Variants in ZBTB47 observed in about 807,000 individuals in gnomAD.
ZBTB47 encodes zinc finger and BTB domain-containing protein 47.
ZBTB47 carries 24 observed loss-of-function variants against 56.6 expected under a neutral mutation model. The observed-to-expected ratio is 0.42, with a 90% CI of 0.31 to 0.60. ZBTB47 has a LOEUF of 0.60. Ranked by LOEUF, ZBTB47 falls within the 20% of genes least tolerant of loss-of-function variation. ZBTB47 has a pLI of 0.14. For synonymous variants in ZBTB47, 414 were observed against 418.9 expected, an observed-to-expected ratio of 0.99 and a Z score of 0.14; for missense variants, 829 against 1,032.6, an observed-to-expected ratio of 0.80 and a Z score of 2.70.
At position 42,665,992 on chromosome 3, in the gene ZBTB47, C is replaced by A. The variant is rs749101794; in HGVS notation, c.*1394C>A. 1.3e-5 allele frequency: 2 copies of A among 152,740 alleles called. No homozygotes were observed. Among genetic ancestry groups the A allele is most frequent in the African/African-American group, 4.8e-5 (2 of 41,446 alleles). 9.5% of individuals were successfully genotyped at this position (152,740 alleles called of 1,614,324 possible). ...TGCACCTTAAACCCCCACCACTCCC[C>A]GACACTATTGCCTTCCCAGCATGGC... On this transcript the variant is annotated 3_prime_UTR_variant, in exon 6 of 6. Coordinates refer to ENST00000232974, the MANE Select transcript of ZBTB47 (RefSeq NM_145166.4).
In ZBTB47 at chr3:42,653,879, G is replaced by T. The variant is rs1301295359; in HGVS notation, c.-86G>T. 1 of 152,330 alleles carries T rather than the reference G, an allele frequency of 6.6e-6. No homozygotes were observed. Among genetic ancestry groups the T allele is most frequent in the Non-Finnish European group, 1.5e-5 (1 of 68,148 alleles). The allele number at this position is 152,330 out of a possible 1,614,324, so 9.4% of individuals were successfully genotyped here. A position where few individuals can be genotyped will look rare whatever the true frequency, so the allele number is the denominator to read the frequency against. On this transcript the variant is annotated 5_prime_UTR_variant, in exon 1 of 6. Coordinates refer to ENST00000232974, the MANE Select transcript of ZBTB47 (RefSeq NM_145166.4). ...GGGTGGCCCTATGCAGCATGAGGCC[G>T]CCAGGTAGGTATGGGTCCACTGGAG... is the stretch of plus-strand genomic sequence containing the variant.
rs1296026341 is a variant in ZBTB47, at chr3:42,658,598, C to A, written c.243C>A (p.Val81=). The change falls in exon 2 of 6, where the codon GTC becomes GTA. Residue 81 remains valine (V), a synonymous_variant. Transcript: ENST00000232974. ...LNFIYTSKLL[V]NAANVHEVLS... ...TCATCTATACGTCCAAGCTGCTGGT[C>A]AACGCGGCCAACGTCCACGAGGTGC... 8 of 1,537,040 alleles carry A rather than the reference C, an allele frequency of 5.2e-6. No individual in the cohort carries two copies. Among genetic ancestry groups the A allele is most frequent in the Non-Finnish European group, 7.0e-6 (8 of 1,146,938 alleles).
rs1482499549 is a variant in ZBTB47 at position 42,658,820 on chromosome 3, T to C, written c.465T>C (p.Tyr155=). The change falls in exon 2 of 6, where the codon TAT becomes TAC. Residue 155 remains tyrosine (Y), a synonymous_variant. Coordinates refer to ENST00000232974, the MANE Select transcript of ZBTB47 (RefSeq NM_145166.4). ...ACACCCCAGGCCTGCCCAAGATCTA[T>C]GCCCGCGAGGGCCCTGACCCTTACT... ...EADTPGLPKI[Y]AREGPDPYSV... is the part of the protein sequence containing the mutation. 3.3e-6 allele frequency: 5 copies of C among 1,533,836 alleles called. No individual in the cohort carries two copies. Among genetic ancestry groups the C allele is most frequent in the Admixed American group, 2.0e-5 (1 of 50,764 alleles).
intron 3 of ZBTB47, among the ~76,000 whole-genome samples, chr3:42,662,023 T>C (rs1448537046): frequency 6.6e-6 from 1 of 152,266 alleles, no homozygotes; most frequent in African/African-American, 2.4e-5. Flanking sequence ...TGATGACAGC[T>C]GTGCCTCTGA....
At position 42,656,531 on chromosome 3, in the gene ZBTB47, G is replaced by A. The variant is rs966083336; in HGVS notation, c.-81-1744G>A. Reference sequence around the variant, plus strand: ...AGGCCTGGACAGCCTGGGACAGAGGGAGATGGATGGCTTCTTGGCTGGGGT... The same window carrying A: ...AGGCCTGGACAGCCTGGGACAGAGGAAGATGGATGGCTTCTTGGCTGGGGT... On this transcript the variant is annotated intron_variant, in intron 1 of 5. Transcript: ENST00000232974. This position sits in a 1 kb window ranked among gnomAD's most constrained non-coding sequence, Gnocchi z 5.8. Among the ~76,000 whole-genome samples, 5 of 152,300 alleles carry A rather than the reference G, an allele frequency of 3.3e-5. No homozygotes were observed. The highest frequency in any genetic ancestry group is 2.0e-4 in the Admixed American group (3 of 15,304).
chr3:42,659,401 AGGG>A lies in ZBTB47; in HGVS notation c.1049_1051del (p.Gly350del). On this transcript the variant is annotated inframe_deletion, in exon 2 of 6. Transcript: ENST00000232974. ...GATCAAGAGAGCTCTGAGGAGGAGG[AGGG>A]GGAGGAGGGGGAGGCTGGGGGCAAG... is the stretch of plus-strand genomic sequence containing the variant. 1.5e-6 allele frequency: 1 copy of A among 671,040 alleles called. No homozygotes were observed. The highest frequency in any genetic ancestry group is 1.7e-6 in the Non-Finnish European group (1 of 597,042). 41.6% of individuals were successfully genotyped at this position (671,040 alleles called of 1,614,324 possible). A position where few individuals can be genotyped will look rare whatever the true frequency, so the allele number is the denominator to read the frequency against.
chr3:42,654,360 C>T lies in ZBTB47; in HGVS notation c.-82+477C>T, dbSNP rs867561091. 2.0e-5 allele frequency: 3 copies of T among 151,376 alleles called. No individual in the cohort carries two copies. The highest frequency in any genetic ancestry group is 7.3e-5 in the African/African-American group (3 of 41,348). 9.4% of individuals were successfully genotyped at this position (151,376 alleles called of 1,614,324 possible). ...GCGGCAGGGCGGGCTGCACGGGGACCGCGCACACCACGCGTGTCCGCGCCC... is the reference window on the plus strand; with the variant it reads ...GCGGCAGGGCGGGCTGCACGGGGACTGCGCACACCACGCGTGTCCGCGCCC... On this transcript the variant is annotated intron_variant, in intron 1 of 5. Coordinates refer to ENST00000232974, the MANE Select transcript of ZBTB47 (RefSeq NM_145166.4). This position sits in a 1 kb window ranked among gnomAD's most constrained non-coding sequence, Gnocchi z 5.0.
In ZBTB47 at chr3:42,666,629, A is replaced by G. The variant is rs928408983; in HGVS notation, c.*2031A>G. On this transcript the variant is annotated 3_prime_UTR_variant, in exon 6 of 6. Coordinates refer to ENST00000232974, the MANE Select transcript of ZBTB47 (RefSeq NM_145166.4). ...ACTGGCACCAGGATCTCCCACAGGC[A>G]CTGGTGGTGTCATCACCTGCTGGCC... Among the ~76,000 whole-genome samples, 6 of 152,146 alleles carry G rather than the reference A, an allele frequency of 3.9e-5. No individual in the cohort carries two copies. Among genetic ancestry groups the G allele is most frequent in the African/African-American group, 1.4e-4 (6 of 41,456 alleles).
In ZBTB47 at chr3:42,664,690, G is replaced by A; in HGVS notation, c.*92G>A. 1 of 1,314,170 alleles carries A rather than the reference G, an allele frequency of 7.6e-7. No individual in the cohort carries two copies. The highest frequency in any genetic ancestry group is 9.7e-7 in the Non-Finnish European group (1 of 1,029,480). 81.4% of individuals were successfully genotyped at this position (1,314,170 alleles called of 1,614,324 possible). ...GCCTTCCCGGGGAGCACAGTAGTGC[G>A]GGCCTGGGCCCTGCTCCACCTCCAG... On this transcript the variant is annotated 3_prime_UTR_variant, in exon 6 of 6. Coordinates refer to ENST00000232974, the MANE Select transcript of ZBTB47 (RefSeq NM_145166.4).
intron 5 of ZBTB47, 66 bp from the exon 6 acceptor site, chr3:42,664,171 G>A: frequency 6.3e-7 from 1 of 1,586,270 alleles, no homozygotes. Context: ...GGGAGACGGA[G>A]GCTGGCCCCA....
chr3:42,657,151 G>A (rs1287627601), intron 1 of ZBTB47, among the ~76,000 whole-genome samples: 1 of 152,220 alleles, frequency 6.6e-6, no homozygotes, highest in African/African-American at 2.4e-5. Flanking sequence ...CTTTTGGGGA[G>A]GCTGCTGTGG....
chr3:42,658,271 G>C lies in ZBTB47; in HGVS notation c.-81-4G>C. ...ACCCACTCCTGTGCCCTCTGTCCCC[G>C]CAGTTGCTGGTTGAGAAGACAACTG... On this transcript the variant is annotated splice_polypyrimidine_tract_variant and splice_region_variant and intron_variant, in intron 1 of 5. Transcript: ENST00000232974. 6.8e-7 allele frequency: 1 copy of C among 1,469,586 alleles called. No homozygotes were observed. The highest frequency in any genetic ancestry group is 1.4e-5 in the South Asian group (1 of 72,504). The allele number at this position is 1,469,586 out of a possible 1,614,324, so 91.0% of individuals were successfully genotyped here.
chr3:42,654,596 C>A lies in ZBTB47; in HGVS notation c.-82+713C>A. 2.4e-6 allele frequency: 2 copies of A among 835,146 alleles called. No homozygotes were observed. Among genetic ancestry groups the A allele is most frequent in the Non-Finnish European group, 2.9e-6 (2 of 694,028 alleles). 51.7% of individuals were successfully genotyped at this position (835,146 alleles called of 1,614,324 possible). On this transcript the variant is annotated intron_variant, in intron 1 of 5. Transcript: ENST00000232974. This position sits in a 1 kb window ranked among gnomAD's most constrained non-coding sequence, Gnocchi z 5.0. ...ATGGTCGCGGGGCCCTGCGCGGGGG[C>A]GGCCCCCAGCGCGGCGCTTCATGGA...
In ZBTB47 at chr3:42,654,950, G is replaced by A. The variant is rs538471689; in HGVS notation, c.-82+1067G>A. On this transcript the variant is annotated intron_variant, in intron 1 of 5. Coordinates refer to ENST00000232974, the MANE Select transcript of ZBTB47 (RefSeq NM_145166.4). The surrounding 1 kb of genome is among the most constrained non-coding windows in gnomAD (Gnocchi z 5.0). ...GAGGTCTTGCTAGGCACCGGCGAAG[G>A]GGGGCGCTCCCCTGCGCCCGGACGG... 7.9e-5 allele frequency among the ~76,000 whole-genome samples: 12 copies of A among 152,226 alleles called. No individual in the cohort carries two copies. The highest frequency in any genetic ancestry group is 2.9e-4 in the African/African-American group (12 of 41,564).
At chr3:42,657,933 C>A (rs547542129) in intron 1 of ZBTB47, among the ~76,000 whole-genome samples, 2 of 152,348 alleles carry the variant, frequency 1.3e-5, no homozygotes, top group East Asian at 1.9e-4. Context: ...AGGTCCCTGG[C>A]AAACCTGGAT....
chr3:42,664,188 G>A (rs760026359), intron 5 of ZBTB47, 49 bp from the exon 6 acceptor site: 2 of 1,601,302 alleles, frequency 1.2e-6, no homozygotes, highest in Non-Finnish European at 1.7e-6. Flanking sequence ...CCCAGACTGG[G>A]GTGTGGCGAC....
chr3:42,661,564 A>C lies in ZBTB47; in HGVS notation c.1553A>C (p.Lys518Thr). 1 of 1,614,084 alleles carries C rather than the reference A, an allele frequency of 6.2e-7. No homozygotes were observed. The highest frequency in any genetic ancestry group is 1.7e-5 in the Admixed American group (1 of 60,032). The stretch of plus-strand genomic sequence containing the variant: ...AAGATTGTGCACGGCTACGCAGAGA[A>C]GAAGTTCTCATGCGAGATCTGTGAG... ...HNKIVHGYAE[K>T]KFSCEICEKK... is the part of the protein sequence containing the mutation. Residue 518 changes from lysine to threonine, a missense_variant, in exon 3 of 6, where the codon AAG (lysine) becomes ACG (threonine). By Grantham distance (78) the Lys-to-Thr change is moderately conservative. Around this residue, in one of 6 missense-constraint regions of ZBTB47, gnomAD observed 187 missense variants for 253.1 expected, o/e 0.74. Coordinates refer to ENST00000232974, the MANE Select transcript of ZBTB47 (RefSeq NM_145166.4).
chr3:42,659,309 G>A lies in ZBTB47; in HGVS notation c.954G>A (p.Glu318=), dbSNP rs1710682236. 1.4e-6 allele frequency: 2 copies of A among 1,477,398 alleles called. No individual in the cohort carries two copies. Among genetic ancestry groups the A allele is most frequent in the African/African-American group, 1.4e-5 (1 of 71,694 alleles). The allele number at this position is 1,477,398 out of a possible 1,614,324, so 91.5% of individuals were successfully genotyped here. The part of the protein sequence containing the change: ...GGSQGEEEEE[E]EDGHSEQEEE... The stretch of plus-strand genomic sequence containing the variant: ...GTCAGGGAGAAGAGGAAGAAGAGGA[G>A]GAGGACGGGCACAGTGAGCAGGAAG... The change falls in exon 2 of 6, where the codon GAG becomes GAA. Residue 318 remains glutamate (E), a synonymous_variant. Coordinates refer to ENST00000232974, the MANE Select transcript of ZBTB47 (RefSeq NM_145166.4).
chr3:42,666,469 C>A lies in ZBTB47; in HGVS notation c.*1871C>A, dbSNP rs549830497. 3.3e-4 allele frequency among the ~76,000 whole-genome samples: 50 copies of A among 152,302 alleles called. No individual in the cohort carries two copies. In the East Asian group the frequency reaches 7.9e-3, roughly 24 times the overall value. ...TTCCGTGATGTCCTCAGGGTCCCCC[C>A]CTCCCTGTTGCTATTTTTAATCTCT... is the stretch of plus-strand genomic sequence containing the variant. On this transcript the variant is annotated 3_prime_UTR_variant, in exon 6 of 6. Coordinates refer to ENST00000232974, the MANE Select transcript of ZBTB47 (RefSeq NM_145166.4).
Sources: gnomAD v4.1 joint callset for allele counts (sites outside exome capture counted in the v4.1 genomes callset) on GRCh38, gnomAD v4.1.1 for gene constraint, gnomAD v4.1.1 regional missense constraint, Gnocchi (gnomAD v3.1) non-coding constraint, MANE v1.5 for transcripts, NCBI Gene and HGNC (gene_info 2026-07-23, HGNC 2026-07-21) for gene names.